UBE2E2: variants seen among roughly 807,000 people sequenced by gnomAD.
The protein encoded by UBE2E2 is ubiquitin-conjugating enzyme E2 E2.
Under a neutral mutation model 24.7 loss-of-function variants are expected in UBE2E2, and 6 were observed. The ratio of observed to expected loss-of-function variants is 0.24; its 90% CI spans 0.13 to 0.48. The LOEUF (loss-of-function observed/expected upper bound fraction) is 0.48. Ranked by LOEUF, UBE2E2 falls within the 20% of genes least tolerant of loss-of-function variation. The pLI is 0.99. For missense variants in UBE2E2, 169 were observed against 245.0 expected (o/e 0.69, Z 2.07); for synonymous variants, 104 against 83.6 (o/e 1.24, Z -1.33).
At chr3:23,557,257 G>A (rs1174861021) in intron 5 of UBE2E2, among the ~76,000 whole-genome samples, 2 of 152,120 alleles carry the variant, frequency 1.3e-5, no homozygotes, top group African/African-American at 2.4e-5. Context: ...AACCAATATG[G>A]CAGGCTCATT....
At chr3:23,446,720 T>TTTTTA (rs1553612084) in intron 3 of UBE2E2, among the ~76,000 whole-genome samples, 23 of 145,332 alleles carry the variant, frequency 1.6e-4, no homozygotes, top group East Asian at 1.4e-3. Context: ...TTTTTTTTTT[T>TTTTTA]ATCCGTAGGG....
chr3:23,375,188 A>G (rs1696490437), intron 3 of UBE2E2, among the ~76,000 whole-genome samples: 2 of 152,178 alleles, frequency 1.3e-5, no homozygotes, highest in African/African-American at 4.8e-5. Context: ...TTTATTAGAA[A>G]CTTTGCTCTT....
rs1371440955 is a variant in UBE2E2, at chr3:23,355,160, A to C, written c.227+137848A>C. Among the ~76,000 whole-genome samples, 3 of 148,584 alleles carry C rather than the reference A, an allele frequency of 2.0e-5. No individual in the cohort carries two copies. The East Asian group carries it at 6.2e-4, about 30-fold the overall frequency. On this transcript the variant is annotated intron_variant, in intron 3 of 5. Coordinates refer to ENST00000396703, the MANE Select transcript of UBE2E2 (RefSeq NM_152653.4). ...AAACAAACACCTCATGTTCTCACTC[A>C]TAGGTGGGAATTGAACAGTGAGAAC...
intron 3 of UBE2E2, among the ~76,000 whole-genome samples, chr3:23,367,618 C>T (rs2125337267): frequency 6.6e-6 from 1 of 152,266 alleles, no homozygotes; most frequent in Middle Eastern, 3.4e-3. Flanking sequence ...CTTGCAGTAT[C>T]TATGTGGAAG....
intron 3 of UBE2E2, among the ~76,000 whole-genome samples, chr3:23,422,502 A>G (rs3104243): frequency 0.62 from 94,539 of 152,090 alleles, 30,147 homozygotes; most frequent in African/African-American, 0.76. Flanking sequence ...AACTGAGCAG[A>G]TAAACAAGCA....
intron 3 of UBE2E2, among the ~76,000 whole-genome samples, chr3:23,288,224 G>C (rs1698670335): frequency 1.3e-5 from 2 of 152,070 alleles, no homozygotes; most frequent in South Asian, 4.2e-4. Context: ...GTATAGTTTT[G>C]AAAATTCTTC....
intron 3 of UBE2E2, among the ~76,000 whole-genome samples, chr3:23,247,554 A>G (rs1456286745): frequency 6.6e-6 from 1 of 152,044 alleles, no homozygotes; most frequent in African/African-American, 2.4e-5. Flanking sequence ...GGGTTTCTCC[A>G]TATTGGTCAG....
At chr3:23,441,538 C>CAAAAAAAAAAAAAAAAA (rs147766521) in intron 3 of UBE2E2, among the ~76,000 whole-genome samples, 2 of 95,792 alleles carry the variant, frequency 2.1e-5, no homozygotes, top group African/African-American at 3.7e-5. Context: ...GACTCCGTCT[C>CAAAAAAAAAAAAAAAAA]AAAAAAAAAA....
At chr3:23,334,049 T>G (rs1411498351) in intron 3 of UBE2E2, among the ~76,000 whole-genome samples, 1 of 152,188 alleles carries the variant, frequency 6.6e-6, no homozygotes, top group African/African-American at 2.4e-5. Flanking sequence ...CTTTGTATTA[T>G]TTAGAAAAGA....
In UBE2E2 at chr3:23,383,304, G is replaced by A. The variant is rs369279332; in HGVS notation, c.228-116304G>A. On this transcript the variant is annotated intron_variant, in intron 3 of 5. Transcript: ENST00000396703. ...TCTAAGACTGATGTAGAAATGTTCA[G>A]TGAGCAGTTGAACACATACATTAGC... Among the ~76,000 whole-genome samples, 11 of 152,242 alleles carry A rather than the reference G, an allele frequency of 7.2e-5. No homozygotes were observed. The East Asian group carries it at 7.7e-4, about 11-fold the overall frequency.
rs192877750 is a variant in UBE2E2, at chr3:23,309,066, A to G, written c.227+91754A>G. On this transcript the variant is annotated intron_variant, in intron 3 of 5. Coordinates refer to ENST00000396703, the MANE Select transcript of UBE2E2 (RefSeq NM_152653.4). ...TCTGCTTTGTTTTAGCTGTGCTCAC[A>G]GCCAGTTGGCATGGGCAACTGTTCT... Among the ~76,000 whole-genome samples, 3 of 152,364 alleles carry G rather than the reference A, an allele frequency of 2.0e-5. 1 individual carries two copies. Among genetic ancestry groups the G allele is most frequent in the African/African-American group, 7.2e-5 (3 of 41,592 alleles).
chr3:23,412,820 A>T (rs1206188421), intron 3 of UBE2E2, among the ~76,000 whole-genome samples: 1 of 152,176 alleles, frequency 6.6e-6, no homozygotes, highest in Non-Finnish European at 1.5e-5. Flanking sequence ...TACAGAATTA[A>T]CAACTTTGAG....
chr3:23,379,256 T>C (rs11129118), intron 3 of UBE2E2, among the ~76,000 whole-genome samples: 1 of 145,244 alleles, frequency 6.9e-6, no homozygotes. Context: ...TATTTTTTTT[T>C]ATTATACTTT....
intron 5 of UBE2E2, among the ~76,000 whole-genome samples, chr3:23,573,874 A>G (rs1383090485): frequency 1.3e-5 from 2 of 152,196 alleles, no homozygotes; most frequent in Non-Finnish European, 2.9e-5. Flanking sequence ...AATAGTAACA[A>G]AAGGGTAAAG....
intron 3 of UBE2E2, among the ~76,000 whole-genome samples, chr3:23,296,704 G>A (rs373137945): frequency 1.3e-5 from 2 of 152,112 alleles, no homozygotes; most frequent in East Asian, 3.9e-4. Flanking sequence ...AATCCAGTCT[G>A]TCATTGTTGG....
chr3:23,236,709 A>T (rs1171705893), intron 3 of UBE2E2, among the ~76,000 whole-genome samples: 1 of 152,100 alleles, frequency 6.6e-6, no homozygotes, highest in African/African-American at 2.4e-5. Flanking sequence ...GAAATGTTAC[A>T]TCTGGAGAAC....
chr3:23,397,800 T>C (rs1031677678), intron 3 of UBE2E2, among the ~76,000 whole-genome samples: 5 of 152,224 alleles, frequency 3.3e-5, no homozygotes, highest in Non-Finnish European at 7.3e-5. Context: ...AATGGTTTTT[T>C]TAAGCTCCAG....
rs146987593 is a variant in UBE2E2, at chr3:23,324,696, T to C, written c.227+107384T>C. Among the ~76,000 whole-genome samples, 934 of 152,228 alleles carry C rather than the reference T, an allele frequency of 6.1e-3. 13 individuals carry two copies. The highest frequency in any genetic ancestry group is 0.021 in the African/African-American group (866 of 41,550). ...TGTTATCACAGGCATTGATGACTTA[T>C]GTATAATTGAGTAAAGCTGCAGGAA... On this transcript the variant is annotated intron_variant, in intron 3 of 5. Coordinates refer to ENST00000396703, the MANE Select transcript of UBE2E2 (RefSeq NM_152653.4).
At chr3:23,461,874 C>T (rs1698811105) in intron 3 of UBE2E2, among the ~76,000 whole-genome samples, 1 of 151,960 alleles carries the variant, frequency 6.6e-6, no homozygotes, top group Non-Finnish European at 1.5e-5. Context: ...AAAACTGTTA[C>T]TTCAAGAGTA....
Sources: allele counts gnomAD v4.1 joint callset (sites outside exome capture counted in the v4.1 genomes callset), GRCh38; gene constraint gnomAD v4.1.1; transcripts MANE v1.5; gene names NCBI Gene and HGNC (gene_info 2026-07-23, HGNC 2026-07-21).